The following GABRA1 variants were observed in gnomAD, a reference collection of about 807,000 sequenced individuals.
The protein encoded by GABRA1 is gamma-aminobutyric acid receptor subunit alpha-1.
GABRA1 carries 9 observed loss-of-function variants against 48.9 expected under a neutral mutation model. The ratio of observed to expected loss-of-function variants is 0.18; its 90% CI spans 0.11 to 0.32. The LOEUF is 0.32. Among genes scored for constraint, GABRA1 ranks in the 10% least tolerant of loss-of-function variants. The pLI is 1.00. For missense variants in GABRA1, 285 were observed against 553.8 expected, an observed-to-expected ratio of 0.51 and a Z score of 4.87; for synonymous variants, 210 against 198.7, an observed-to-expected ratio of 1.06 and a Z score of -0.48.
chr5:161,879,176 A>C (rs1201878737), intron 6 of GABRA1, among the ~76,000 whole-genome samples: 1 of 152,156 alleles, frequency 6.6e-6, no homozygotes, highest in African/African-American at 2.4e-5. Flanking sequence ...TGGCACAATC[A>C]GGGCTCACTG....
intron 7 of GABRA1, among the ~76,000 whole-genome samples, chr5:161,888,374 G>C (rs959648831): frequency 1.3e-5 from 2 of 151,968 alleles, no homozygotes; most frequent in African/African-American, 4.8e-5. Flanking sequence ...TTTAATTTAG[G>C]AAAAGGTTTC....
intron 6 of GABRA1, among the ~76,000 whole-genome samples, chr5:161,876,893 G>A (rs143207290): frequency 3.3e-4 from 50 of 152,132 alleles, no homozygotes; most frequent in African/African-American, 1.1e-3. Flanking sequence ...AAGATCATAC[G>A]CCGTAGTTTG....
chr5:161,853,929 G>C (rs1441041874), intron 2 of GABRA1, among the ~76,000 whole-genome samples: 1 of 151,674 alleles, frequency 6.6e-6, no homozygotes, highest in African/African-American at 2.4e-5. Context: ...TAAACAGACA[G>C]AAGTCATTTC....
chr5:161,856,750 A>G (rs1450434452), intron 3 of GABRA1, among the ~76,000 whole-genome samples: 1 of 151,226 alleles, frequency 6.6e-6, no homozygotes, highest in African/African-American at 2.4e-5. Flanking sequence ...TTATATCTAC[A>G]GAGTCATCAA....
chr5:161,892,633 T>C (rs1755143861), intron 8 of GABRA1, among the ~76,000 whole-genome samples: 1 of 152,150 alleles, frequency 6.6e-6, no homozygotes. Context: ...AAGATGCTTA[T>C]ATCTGTATGA....
At chr5:161,851,378 A>G (rs190076813) in intron 2 of GABRA1, among the ~76,000 whole-genome samples, 2 of 152,144 alleles carry the variant, frequency 1.3e-5, no homozygotes, top group Non-Finnish European at 2.9e-5. Flanking sequence ...ATTGTTATCT[A>G]TATAACTAAT....
In GABRA1 at chr5:161,897,602, T is replaced by C. The variant is rs1755428849; in HGVS notation, c.*180T>C. On this transcript the variant is annotated 3_prime_UTR_variant, in exon 10 of 10. Coordinates refer to ENST00000393943, the MANE Select transcript of GABRA1 (RefSeq NM_001127644.2). The stretch of plus-strand genomic sequence containing the variant: ...TGGCAGTCTGGAGCAAAGCAGACTA[T>C]GCAGCTTGGAGACAGGATTCTGACA... 3.1e-6 allele frequency: 2 copies of C among 636,088 alleles called. No homozygotes were observed. The highest frequency in any genetic ancestry group is 2.8e-5 in the East Asian group (1 of 36,178). 39.4% of individuals were successfully genotyped at this position (636,088 alleles called of 1,614,324 possible).
At chr5:161,860,874 C>T (rs982621734) in intron 3 of GABRA1, among the ~76,000 whole-genome samples, 24 of 151,822 alleles carry the variant, frequency 1.6e-4, no homozygotes, top group Admixed American at 1.4e-3. Context: ...ATTTTTTGTG[C>T]AGCTACTCTT....
chr5:161,880,677 C>A (rs1754573974), intron 6 of GABRA1, among the ~76,000 whole-genome samples: 1 of 152,194 alleles, frequency 6.6e-6, no homozygotes, highest in African/African-American at 2.4e-5. Context: ...TTGGAACTGG[C>A]AGGCTACCCT....
chr5:161,888,248 GGTTTTTT>G (rs758685927), intron 7 of GABRA1, among the ~76,000 whole-genome samples: 4 of 151,904 alleles, frequency 2.6e-5, no homozygotes, highest in Non-Finnish European at 5.9e-5. Flanking sequence ...TAGGTGACTT[GGTTTTTT>G]GTTTTTGTTG....
chr5:161,895,876 C>T lies in GABRA1; in HGVS notation c.1059+8C>T, dbSNP rs758699164. ...AGTGTGGTTCCAGAAAAGGTAAATGCTTTAATGGTCACTGTAGTACATCAA... is the reference window on the plus strand; with the variant it reads ...AGTGTGGTTCCAGAAAAGGTAAATGTTTTAATGGTCACTGTAGTACATCAA... On this transcript the variant is annotated splice_region_variant and intron_variant, in intron 9 of 9. Transcript: ENST00000393943. The T allele has an allele frequency of 3.1e-6, 5 of 1,606,716 alleles. No individual in the cohort carries two copies. The highest frequency in any genetic ancestry group is 4.3e-6 in the Non-Finnish European group (5 of 1,173,346).
At chr5:161,865,890 T>G (rs1753814982) in intron 4 of GABRA1, 102 bp downstream of exon 4, 18 of 895,696 alleles carry the variant, frequency 2.0e-5, no homozygotes, top group South Asian at 1.7e-4. Flanking sequence ...CTGAAAAGTC[T>G]TGGCTATACT....
In GABRA1 at chr5:161,848,279, T is replaced by C. The variant is rs1483871761; in HGVS notation, c.-159T>C. ...TCCATGATGGCTCAGACCAAGTGAG[T>C]GAGAGGCAGAGCGAGGACGCCCCTC... is the stretch of plus-strand genomic sequence containing the variant. On this transcript the variant is annotated 5_prime_UTR_variant, in exon 1 of 10. Coordinates refer to ENST00000393943, the MANE Select transcript of GABRA1 (RefSeq NM_001127644.2). The C allele has an allele frequency of 1.3e-5, 2 of 151,880 alleles. No individual in the cohort carries two copies. The highest frequency in any genetic ancestry group is 3.9e-4 in the East Asian group (2 of 5,136). The allele number at this position is 151,880 out of a possible 1,614,324, so 9.4% of individuals were successfully genotyped here.
intron 4 of GABRA1, 85 bp from the exon 5 acceptor site, chr5:161,873,032 C>A: frequency 9.1e-7 from 1 of 1,095,544 alleles, no homozygotes; most frequent in Non-Finnish European, 1.4e-6. Context: ...TCCAAAGTTG[C>A]AAAAATTATG....
At chr5:161,882,736 A>G (rs759845180) in intron 7 of GABRA1, 35 bp downstream of exon 7, 2 of 1,581,570 alleles carry the variant, frequency 1.3e-6, no homozygotes, top group Admixed American at 1.7e-5. Context: ...TTATGGAGGA[A>G]GAAGAAGAAT....
chr5:161,877,824 C>T (rs1754427948), intron 6 of GABRA1, among the ~76,000 whole-genome samples: 1 of 152,078 alleles, frequency 6.6e-6, no homozygotes, highest in East Asian at 1.9e-4. Context: ...GAGCCATATG[C>T]TCTTTTCTTT....
At chr5:161,874,733 TA>T (rs559302596) in intron 5 of GABRA1, among the ~76,000 whole-genome samples, 91 of 152,294 alleles carry the variant, frequency 6.0e-4, no homozygotes, top group African/African-American at 2.0e-3. Flanking sequence ...TGATTGACTA[TA>T]AATCTATCTT....
At chr5:161,850,958 T>A (rs1757425041) in intron 2 of GABRA1, 74 bp downstream of exon 2, 1 of 1,253,532 alleles carries the variant, frequency 8.0e-7, no homozygotes, top group Non-Finnish European at 1.2e-6. Context: ...GGAAGAAAAT[T>A]GTCCTCAAAT....
intron 4 of GABRA1, among the ~76,000 whole-genome samples, chr5:161,867,308 A>G (rs1172189956): frequency 1.6e-4 from 24 of 152,098 alleles, no homozygotes; most frequent in Admixed American, 1.6e-3. Context: ...GTCATGTTTA[A>G]GGTCAAATAA....
Sources: gnomAD v4.1 joint callset for allele counts (sites outside exome capture counted in the v4.1 genomes callset) on GRCh38, gnomAD v4.1.1 for gene constraint, MANE v1.5 for transcripts, NCBI Gene and HGNC (gene_info 2026-07-23, HGNC 2026-07-21) for gene names.